Variants in EIF4G3 observed in about 807,000 individuals in gnomAD.
EIF4G3 encodes eukaryotic translation initiation factor 4 gamma 3.
Under a neutral mutation model 186.4 loss-of-function variants are expected in EIF4G3, and 34 were observed. That is an observed-to-expected ratio of 0.18 (90% confidence interval 0.14 to 0.24). The LOEUF (loss-of-function observed/expected upper bound fraction) is 0.24, where lower values mean the gene tolerates loss of function less well. Ranked by LOEUF, EIF4G3 falls within the 10% of genes least tolerant of loss-of-function variation. EIF4G3 has a pLI of 1.00. For synonymous variants in EIF4G3, 673 were observed against 679.5 expected (o/e 0.99, Z 0.15); for missense variants, 1,536 against 1,948.5 (o/e 0.79, Z 3.99).
chr1:21,135,458 G>A (rs2097221925), intron 2 of EIF4G3, among the ~76,000 whole-genome samples: 1 of 152,116 alleles, frequency 6.6e-6, no homozygotes, highest in Non-Finnish European at 1.5e-5. Flanking sequence ...CCGAGATCGT[G>A]GCATTGCACT....
chr1:21,172,118 C>CAAA (rs35477282), intron 2 of EIF4G3, among the ~76,000 whole-genome samples: 15 of 105,550 alleles, frequency 1.4e-4, no homozygotes, highest in Non-Finnish European at 2.0e-4. Flanking sequence ...CCTCCTCTAG[C>CAAA]AAAAAAAAAA....
chr1:20,941,740 G>A lies in EIF4G3; in HGVS notation c.1414C>T (p.Pro472Ser). Reference protein sequence around the residue: ...ITPSTVPSFPPTPPTPPASPP... With the variant: ...ITPSTVPSFPSTPPTPPASPP... ...GAAGCTGGAGGAGTTGGAGGAGTTGGAGGAAAGGAAGGAACTGTGGAAGGG... is the reference window on the plus strand; with the variant it reads ...GAAGCTGGAGGAGTTGGAGGAGTTGAAGGAAAGGAAGGAACTGTGGAAGGG... Residue 472 changes from proline to serine, a missense_variant, in exon 14 of 37, where the codon CCA becomes TCA. Physicochemically the swap from Pro to Ser is moderately conservative, Grantham distance 74 (BLOSUM62 -1). Transcript: ENST00000602326. 6.2e-7 allele frequency: 1 copy of A among 1,610,862 alleles called. No homozygotes were observed. The highest frequency in any genetic ancestry group is 8.5e-7 in the Non-Finnish European group (1 of 1,178,376).
At chr1:21,027,236 A>C (rs1211199966) in intron 4 of EIF4G3, among the ~76,000 whole-genome samples, 6 of 136,164 alleles carry the variant, frequency 4.4e-5, no homozygotes. Flanking sequence ...TCTGTCGCCC[A>C]GGCTGGAGTG....
In EIF4G3 at chr1:20,988,082, C is replaced by T. The variant is rs138311390; in HGVS notation, c.178-5674G>A. On this transcript the variant is annotated intron_variant, in intron 7 of 36. Transcript: ENST00000602326. The stretch of plus-strand genomic sequence containing the variant: ...CCAAAATGTAATCCAAAGCAAAGTC[C>T]TAACTCTCATTTCAATTCTGTGAAG... Among the ~76,000 whole-genome samples the T allele has an allele frequency of 5.1e-3, 782 of 152,314 alleles. 7 individuals carry two copies. Among genetic ancestry groups the T allele is most frequent in the African/African-American group, 0.018 (751 of 41,558 alleles).
At chr1:20,984,794 T>C (rs2154567104) in intron 7 of EIF4G3, among the ~76,000 whole-genome samples, 1 of 152,052 alleles carries the variant, frequency 6.6e-6, no homozygotes, top group East Asian at 1.9e-4. Context: ...TTCACCGTGT[T>C]AGCCAAGATG....
chr1:21,051,305 T>G (rs973431394), intron 3 of EIF4G3, among the ~76,000 whole-genome samples: 1 of 152,266 alleles, frequency 6.6e-6, no homozygotes, highest in Non-Finnish European at 1.5e-5. Context: ...TGATACCATT[T>G]TGTAAAAGGA....
At chr1:21,010,892 TAA>T (rs1482195281) in intron 4 of EIF4G3, among the ~76,000 whole-genome samples, 1 of 152,200 alleles carries the variant, frequency 6.6e-6, no homozygotes, top group South Asian at 2.1e-4. Context: ...CCTCAGCTAA[TAA>T]AGACTGAAGC....
intron 4 of EIF4G3, among the ~76,000 whole-genome samples, chr1:21,044,008 G>A (rs1349143978): frequency 6.6e-6 from 1 of 152,064 alleles, no homozygotes; most frequent in African/African-American, 2.4e-5. Context: ...ATGACCAAAA[G>A]AGCTGAACAC....
chr1:20,949,751 C>T (rs2096124715), intron 13 of EIF4G3, among the ~76,000 whole-genome samples: 1 of 152,098 alleles, frequency 6.6e-6, no homozygotes, highest in Admixed American at 6.5e-5. Flanking sequence ...CAGTTTAAGG[C>T]AGCTAACCTT....
At chr1:20,858,300 C>T (rs1195259015) in intron 24 of EIF4G3, among the ~76,000 whole-genome samples, 1 of 152,196 alleles carries the variant, frequency 6.6e-6, no homozygotes, top group African/African-American at 2.4e-5. Context: ...TTCTACCACT[C>T]TCCCCGTCAG....
intron 2 of EIF4G3, among the ~76,000 whole-genome samples, chr1:21,142,267 C>A (rs1020385724): frequency 3.3e-5 from 5 of 151,158 alleles, no homozygotes; most frequent in African/African-American, 1.2e-4. Context: ...TGGGAGGTTG[C>A]GGTGGGTGGA....
At chr1:20,951,243 T>C (rs2096205406) in intron 12 of EIF4G3, among the ~76,000 whole-genome samples, 1 of 152,116 alleles carries the variant, frequency 6.6e-6, no homozygotes, top group African/African-American at 2.4e-5. Context: ...ATGATAGATA[T>C]CATTTAAGTA....
chr1:21,163,521 T>C (rs913531194), intron 2 of EIF4G3, among the ~76,000 whole-genome samples: 2 of 152,208 alleles, frequency 1.3e-5, no homozygotes, highest in Non-Finnish European at 2.9e-5. Flanking sequence ...GCTGGAGACA[T>C]GCATAATAAT....
intron 31 of EIF4G3, among the ~76,000 whole-genome samples, chr1:20,827,912 T>A (rs191837120): frequency 3.3e-5 from 5 of 152,146 alleles, no homozygotes; most frequent in African/African-American, 7.2e-5. Flanking sequence ...TTTAACCACT[T>A]CAGTGACAGA....
At chr1:21,152,025 T>C (rs987052404) in intron 2 of EIF4G3, among the ~76,000 whole-genome samples, 2 of 152,142 alleles carry the variant, frequency 1.3e-5, no homozygotes, top group African/African-American at 4.8e-5. Context: ...AGGACTCTAA[T>C]CAGACAATTC....
At chr1:20,822,497 A>C (rs1031009377) in intron 33 of EIF4G3, among the ~76,000 whole-genome samples, 1 of 144,934 alleles carries the variant, frequency 6.9e-6, no homozygotes, top group Non-Finnish European at 1.5e-5. Flanking sequence ...TTCTCTAAAA[A>C]TTTTTCTATT....
intron 12 of EIF4G3, among the ~76,000 whole-genome samples, chr1:20,965,122 A>G (rs554626313): frequency 3.0e-4 from 45 of 152,334 alleles, no homozygotes; most frequent in African/African-American, 1.0e-3. Context: ...ACACCCAAAC[A>G]TAACTTTTCC....
chr1:20,974,641 T>C (rs955273484), intron 10 of EIF4G3, among the ~76,000 whole-genome samples: 1 of 152,036 alleles, frequency 6.6e-6, no homozygotes, highest in Non-Finnish European at 1.5e-5. Context: ...AGCAGAAAAA[T>C]TGAGCTATAG....
chr1:21,150,188 A>G (rs1472456554), intron 2 of EIF4G3, among the ~76,000 whole-genome samples: 1 of 152,242 alleles, frequency 6.6e-6, no homozygotes, highest in Non-Finnish European at 1.5e-5. Flanking sequence ...CCCCTGCTGC[A>G]GCAGCAGCCA....
Sources: allele counts gnomAD v4.1 joint callset (sites outside exome capture counted in the v4.1 genomes callset), GRCh38; gene constraint gnomAD v4.1.1; transcripts MANE v1.5; gene names NCBI Gene and HGNC (gene_info 2026-07-23, HGNC 2026-07-21).